Variants in SNRK observed in about 807,000 individuals in gnomAD.
The protein encoded by SNRK is SNF related kinase.
Under a neutral mutation model 48.2 loss-of-function variants are expected in SNRK, and 3 were observed. That is an observed-to-expected ratio of 0.06 (90% CI 0.03 to 0.16). The LOEUF is 0.16. SNRK is among the 10% of genes least tolerant of loss of function. The pLI is 1.00. For missense variants in SNRK, 627 were observed against 976.0 expected (o/e 0.64, Z 4.76); for synonymous variants, 376 against 366.1 (o/e 1.03, Z -0.31).
intron 1 of SNRK, among the ~76,000 whole-genome samples, chr3:43,294,382 A>G (rs1160359190): frequency 1.3e-5 from 2 of 152,178 alleles, no homozygotes; most frequent in Non-Finnish European, 2.9e-5. Context: ...ACCTATACAT[A>G]TATGCTAAAG....
Position 43,347,219 on chromosome 3 carries a change from G to C in SNRK, c.1080-120G>C. The C allele has an allele frequency of 5.5e-6, 6 of 1,096,344 alleles. No homozygotes were observed. The highest frequency in any genetic ancestry group is 7.6e-6 in the Non-Finnish European group (6 of 786,056). The allele number at this position is 1,096,344 out of a possible 1,614,324, so 67.9% of individuals were successfully genotyped here. On this transcript the variant is annotated intron_variant, in intron 6 of 6. Coordinates refer to ENST00000296088, the MANE Select transcript of SNRK (RefSeq NM_017719.5). This position sits in a 1 kb window ranked among gnomAD's most constrained non-coding sequence, Gnocchi z 5.4. Reference sequence around the variant, plus strand: ...ACAGGATGTTGAATGGGTTTGCAAGGCTGCTGCTTTTTTCTTTAAGTCTGT... The same window carrying C: ...ACAGGATGTTGAATGGGTTTGCAAGCCTGCTGCTTTTTTCTTTAAGTCTGT...
chr3:43,311,216 A>G (rs1412843063), intron 3 of SNRK, among the ~76,000 whole-genome samples: 1 of 152,182 alleles, frequency 6.6e-6, no homozygotes, highest in Non-Finnish European at 1.5e-5. Context: ...CTGCGTGGAC[A>G]TGGTTGGGGC....
intron 5 of SNRK, among the ~76,000 whole-genome samples, chr3:43,342,286 G>A (rs1283002743): frequency 1.6e-4 from 25 of 152,122 alleles, no homozygotes; most frequent in Non-Finnish European, 1.2e-4. Context: ...GCCTCACTCC[G>A]TGCTTGCTGC....
intron 1 of SNRK, among the ~76,000 whole-genome samples, chr3:43,293,860 A>G (rs530768574): frequency 6.6e-6 from 1 of 152,180 alleles, no homozygotes; most frequent in African/African-American, 2.4e-5. Context: ...TTGAGGTTGC[A>G]TTGAGCCAAG....
intron 5 of SNRK, among the ~76,000 whole-genome samples, chr3:43,340,853 A>G (rs192132631): frequency 1.1e-4 from 17 of 152,296 alleles, no homozygotes; most frequent in African/African-American, 4.1e-4. Flanking sequence ...CCACAGTGAT[A>G]GGGAGAACAG....
intron 3 of SNRK, among the ~76,000 whole-genome samples, 157 bp from the exon 4 acceptor site, chr3:43,332,012 C>G (rs2091150184): frequency 6.6e-6 from 1 of 152,190 alleles, no homozygotes; most frequent in African/African-American, 2.4e-5. Flanking sequence ...TAGACACCTT[C>G]CCTGCCCTAT....
chr3:43,315,682 G>A (rs1249268706), intron 3 of SNRK, among the ~76,000 whole-genome samples: 4 of 152,204 alleles, frequency 2.6e-5, no homozygotes, highest in Non-Finnish European at 5.9e-5. Context: ...TAGCACCTCA[G>A]TAAGTTTTAT....
At chr3:43,311,997 C>G (rs1467819262) in intron 3 of SNRK, among the ~76,000 whole-genome samples, 1 of 152,128 alleles carries the variant, frequency 6.6e-6, no homozygotes, top group African/African-American at 2.4e-5. Flanking sequence ...CCTTTTTCTA[C>G]TTTCCTAAAA....
At chr3:43,316,149 G>A (rs1014151658) in intron 3 of SNRK, among the ~76,000 whole-genome samples, 1 of 152,172 alleles carries the variant, frequency 6.6e-6, no homozygotes, top group Admixed American at 6.5e-5. Flanking sequence ...TGAAAAATAT[G>A]ATAGAAATCA....
At chr3:43,299,380 A>T (rs1287648657) in intron 1 of SNRK, among the ~76,000 whole-genome samples, 1 of 151,916 alleles carries the variant, frequency 6.6e-6, no homozygotes, top group Non-Finnish European at 1.5e-5. Flanking sequence ...GTTTCACCAT[A>T]TTGGTCAGGC....
chr3:43,318,474 G>T (rs1395352484), intron 3 of SNRK, among the ~76,000 whole-genome samples: 1 of 151,860 alleles, frequency 6.6e-6, no homozygotes, highest in African/African-American at 2.4e-5. Context: ...ACATATGGAA[G>T]CTGAATCAAC....
Position 43,334,924 on chromosome 3 carries a change from A to G in SNRK, c.731+2614A>G, listed in dbSNP as rs961359383. ...TCTTTTAGTTATATTTTTTAAGTCTATAAGAAGTGTGGATATATTGTCCTT... is the reference window on the plus strand; with the variant it reads ...TCTTTTAGTTATATTTTTTAAGTCTGTAAGAAGTGTGGATATATTGTCCTT... On this transcript the variant is annotated intron_variant, in intron 4 of 6. Coordinates refer to ENST00000296088, the MANE Select transcript of SNRK (RefSeq NM_017719.5). 9.2e-5 allele frequency among the ~76,000 whole-genome samples: 14 copies of G among 152,126 alleles called. No homozygotes were observed. In the East Asian group the frequency reaches 1.2e-3, roughly 13 times the overall value.
In SNRK at chr3:43,347,125, G is replaced by T. The variant is rs923904253; in HGVS notation, c.1080-214G>T. The T allele has an allele frequency of 1.3e-5, 6 of 460,350 alleles. No individual in the cohort carries two copies. Among genetic ancestry groups the T allele is most frequent in the Non-Finnish European group, 2.3e-5 (6 of 263,122 alleles). 28.5% of individuals were successfully genotyped at this position (460,350 alleles called of 1,614,324 possible). ...ACACCTGTGATGAAGTTTTCACTTGGCCAATAAGCCACAAACTGAACCATG... is the reference window on the plus strand; with the variant it reads ...ACACCTGTGATGAAGTTTTCACTTGTCCAATAAGCCACAAACTGAACCATG... On this transcript the variant is annotated intron_variant, in intron 6 of 6. Transcript: ENST00000296088. The surrounding 1 kb of genome is among the most constrained non-coding windows in gnomAD (Gnocchi z 5.4).
At chr3:43,308,413 A>G (rs2090954492) in intron 3 of SNRK, among the ~76,000 whole-genome samples, 1 of 152,216 alleles carries the variant, frequency 6.6e-6, no homozygotes, top group Non-Finnish European at 1.5e-5. Flanking sequence ...CAAAGCCTCA[A>G]AAGGCAGGCT....
chr3:43,323,159 G>A (rs2091068284), intron 3 of SNRK, among the ~76,000 whole-genome samples: 1 of 152,038 alleles, frequency 6.6e-6, no homozygotes, highest in South Asian at 2.1e-4. Context: ...ACCTTGATCA[G>A]TACCTCACGC....
chr3:43,328,685 TA>T (rs577917355), intron 3 of SNRK, among the ~76,000 whole-genome samples: 179 of 152,186 alleles, frequency 1.2e-3, no homozygotes, highest in African/African-American at 4.2e-3. Flanking sequence ...CACCTTTTTT[TA>T]AAAAAAACCT....
intron 5 of SNRK, among the ~76,000 whole-genome samples, chr3:43,341,747 C>G (rs2091239632): frequency 6.6e-6 from 1 of 152,200 alleles, no homozygotes; most frequent in Non-Finnish European, 1.5e-5. Context: ...GACCTGCAGA[C>G]CCCTGCTGTG....
rs768354951 is a variant in SNRK at position 43,347,535 on chromosome 3, A to G, written c.1276A>G (p.Thr426Ala). ...LPELAGPALSTVPPASLKPTA... is the reference protein window; with the variant it reads ...LPELAGPALSAVPPASLKPTA... Reference sequence around the variant, plus strand: ...TGAGTTGGCTGGACCAGCACTCTCTACGGTGCCACCCGCAAGCTTAAAACC... The same window carrying G: ...TGAGTTGGCTGGACCAGCACTCTCTGCGGTGCCACCCGCAAGCTTAAAACC... The change falls in exon 7 of 7, where the codon ACG becomes GCG. Residue 426 changes from threonine (T) to alanine (A), a missense_variant. Thr to Ala is a moderately conservative substitution (Grantham distance 58). Transcript: ENST00000296088. This position sits in a 1 kb window ranked among gnomAD's most constrained non-coding sequence, Gnocchi z 5.4. 3 of 1,613,580 alleles carry G rather than the reference A, an allele frequency of 1.9e-6. No homozygotes were observed. Among genetic ancestry groups the G allele is most frequent in the East Asian group, 2.2e-5 (1 of 44,864 alleles).
In SNRK at chr3:43,349,965, G is replaced by A. The variant is rs1345273341; in HGVS notation, c.*1408G>A. ...TCATGTGTCTGAGGTGACGGACTGA[G>A]ACGCATCTGGTCCTGTAATTCAGAG... On this transcript the variant is annotated 3_prime_UTR_variant, in exon 7 of 7. Coordinates refer to ENST00000296088, the MANE Select transcript of SNRK (RefSeq NM_017719.5). 1 of 152,172 alleles carries A rather than the reference G, an allele frequency of 6.6e-6. No individual in the cohort carries two copies. Among genetic ancestry groups the A allele is most frequent in the Non-Finnish European group, 1.5e-5 (1 of 68,036 alleles). The allele number at this position is 152,172 out of a possible 1,614,324, so 9.4% of individuals were successfully genotyped here. A position where few individuals can be genotyped will look rare whatever the true frequency, so the allele number is the denominator to read the frequency against.
Sources: gnomAD v4.1 joint callset for allele counts (sites outside exome capture counted in the v4.1 genomes callset) on GRCh38, gnomAD v4.1.1 for gene constraint, Gnocchi (gnomAD v3.1) non-coding constraint, MANE v1.5 for transcripts, NCBI Gene and HGNC (gene_info 2026-07-23, HGNC 2026-07-21) for gene names.